LAPTM4B: variants seen among roughly 807,000 people sequenced by gnomAD.
The protein encoded by LAPTM4B is lysosomal protein transmembrane 4 beta.
LAPTM4B carries 26 observed loss-of-function variants against 28.5 expected under a neutral mutation model. The observed-to-expected ratio is 0.91, with a 90% CI of 0.67 to 1.27. LAPTM4B has a LOEUF of 1.27. LAPTM4B is among the 50% of genes most tolerant of loss of function. The pLI is 0.00. For missense variants in LAPTM4B, 288 were observed against 285.8 expected, an observed-to-expected ratio of 1.01 and a Z score of -0.06; for synonymous variants, 109 against 106.4, an observed-to-expected ratio of 1.02 and a Z score of -0.15.
At chr8:97,845,557 T>C (rs1315183816) in intron 6 of LAPTM4B, among the ~76,000 whole-genome samples, 1 of 152,228 alleles carries the variant, frequency 6.6e-6, no homozygotes, top group South Asian at 2.1e-4. Context: ...GATTTCCTTA[T>C]AGCTTTACCT....
Position 97,851,488 on chromosome 8 carries a change from C to T in LAPTM4B, c.*14C>T, listed in dbSNP as rs557757297. The T allele has an allele frequency of 2.6e-5, 42 of 1,604,738 alleles. No individual in the cohort carries two copies. Among genetic ancestry groups the T allele is most frequent in the Non-Finnish European group, 2.7e-5 (32 of 1,171,620 alleles). On this transcript the variant is annotated 3_prime_UTR_variant, in exon 7 of 7. Coordinates refer to ENST00000521545, the MANE Select transcript of LAPTM4B (RefSeq NM_018407.6). ...GTGTCTGCCTAAGCCTTCAAGTGGG[C>T]GGAGCTGAGGGCAGCAGCTTGACTT...
chr8:97,835,890 C>T (rs553626120), intron 6 of LAPTM4B, among the ~76,000 whole-genome samples: 11 of 143,854 alleles, frequency 7.6e-5, no homozygotes, highest in African/African-American at 2.6e-4. Context: ...GCAGCGGGCG[C>T]GGGCAAGCAA....
chr8:97,836,998 T>A (rs1315347443), intron 6 of LAPTM4B, among the ~76,000 whole-genome samples: 4 of 152,010 alleles, frequency 2.6e-5, no homozygotes, highest in South Asian at 2.1e-4. Context: ...AAGGCCAGAT[T>A]ATCTTCTCAG....
At chr8:97,838,409 A>G (rs1257614513) in intron 6 of LAPTM4B, among the ~76,000 whole-genome samples, 3 of 152,234 alleles carry the variant, frequency 2.0e-5, no homozygotes, top group African/African-American at 7.2e-5. Flanking sequence ...CTCCGCAGAC[A>G]TGTGGCAGTT....
In LAPTM4B at chr8:97,843,780, C is replaced by CAAGTAAATAAAT. The variant is rs1387533382; in HGVS notation, c.604-7615_604-7614insGTAAATAAATAA. On this transcript the variant is annotated intron_variant, in intron 6 of 6. Coordinates refer to ENST00000521545, the MANE Select transcript of LAPTM4B (RefSeq NM_018407.6). ...GGGCAACAAGAGCGAAACTCCATCT[C>CAAGTAAATAAAT]AAATAAATAAATAAATAAATAAATA... Among the ~76,000 whole-genome samples, 6 of 149,006 alleles carry CAAGTAAATAAAT rather than the reference C, an allele frequency of 4.0e-5. No homozygotes were observed. The East Asian group carries it at 1.0e-3, about 25-fold the overall frequency.
intron 1 of LAPTM4B, among the ~76,000 whole-genome samples, chr8:97,790,652 G>T (rs1816483376): frequency 6.6e-6 from 1 of 151,898 alleles, no homozygotes; most frequent in Non-Finnish European, 1.5e-5. Context: ...CACCACATTG[G>T]CCAGGGTAGT....
chr8:97,801,077 T>G (rs1398232338), intron 1 of LAPTM4B, among the ~76,000 whole-genome samples: 3 of 152,166 alleles, frequency 2.0e-5, no homozygotes, highest in Non-Finnish European at 4.4e-5. Flanking sequence ...TAAAGCTTTT[T>G]GCCCATGAAT....
intron 2 of LAPTM4B, among the ~76,000 whole-genome samples, chr8:97,807,675 G>A (rs143725355): frequency 3.3e-5 from 5 of 152,236 alleles, no homozygotes; most frequent in African/African-American, 1.2e-4. Context: ...TTTCTGTTAG[G>A]GAAAGAGTAA....
At chr8:97,829,038 T>G (rs1394747142) in intron 6 of LAPTM4B, among the ~76,000 whole-genome samples, 1 of 152,136 alleles carries the variant, frequency 6.6e-6, no homozygotes, top group Non-Finnish European at 1.5e-5. Context: ...AAAAGAGTCC[T>G]TGAGGCAGGC....
intron 1 of LAPTM4B, among the ~76,000 whole-genome samples, chr8:97,784,564 C>T (rs895044052): frequency 6.6e-6 from 1 of 152,094 alleles, no homozygotes; most frequent in Non-Finnish European, 1.5e-5. Flanking sequence ...CTCAGCCTCT[C>T]GAGTAGCTGG....
intron 6 of LAPTM4B, among the ~76,000 whole-genome samples, chr8:97,839,598 G>C (rs1171397543): frequency 6.6e-6 from 1 of 152,190 alleles, no homozygotes; most frequent in Non-Finnish European, 1.5e-5. Flanking sequence ...GACTACACGA[G>C]CACTTGTAAA....
intron 2 of LAPTM4B, among the ~76,000 whole-genome samples, chr8:97,811,534 A>C (rs1816826917): frequency 6.6e-6 from 1 of 152,178 alleles, no homozygotes; most frequent in African/African-American, 2.4e-5. Context: ...AAACTGAGAA[A>C]TAGGAAACAG....
At chr8:97,809,715 G>A (rs971146103) in intron 2 of LAPTM4B, among the ~76,000 whole-genome samples, 6 of 152,140 alleles carry the variant, frequency 3.9e-5, no homozygotes, top group Admixed American at 6.6e-5. Flanking sequence ...AAAAAATTAC[G>A]AAAATTAATA....
chr8:97,815,489 C>G (rs1172845111), intron 3 of LAPTM4B, 88 bp downstream of exon 3: 12 of 905,528 alleles, frequency 1.3e-5, no homozygotes, highest in Non-Finnish European at 2.0e-5. Flanking sequence ...AAGTGACTTT[C>G]CAGTTTTCTG....
intron 1 of LAPTM4B, among the ~76,000 whole-genome samples, chr8:97,777,738 A>G (rs1816249081): frequency 6.6e-6 from 1 of 152,230 alleles, no homozygotes; most frequent in Admixed American, 6.5e-5. Context: ...GTAAATACAG[A>G]TGGAACATCA....
At chr8:97,835,052 C>T (rs181318498) in intron 6 of LAPTM4B, among the ~76,000 whole-genome samples, 8 of 152,238 alleles carry the variant, frequency 5.3e-5, no homozygotes, top group Non-Finnish European at 5.9e-5. Context: ...TGATCTAGAT[C>T]TGTCATTTTC....
chr8:97,846,083 G>A (rs1198323187), intron 6 of LAPTM4B, among the ~76,000 whole-genome samples: 2 of 151,164 alleles, frequency 1.3e-5, no homozygotes, highest in African/African-American at 2.4e-5. Flanking sequence ...TGGAACTCCT[G>A]AGGTCAAGCA....
intron 6 of LAPTM4B, among the ~76,000 whole-genome samples, chr8:97,830,346 A>G (rs769812324): frequency 8.1e-4 from 123 of 152,170 alleles, no homozygotes; most frequent in Non-Finnish European, 1.6e-3. Flanking sequence ...AAGGTCACCT[A>G]TCCACTCTAG....
intron 2 of LAPTM4B, among the ~76,000 whole-genome samples, chr8:97,811,491 A>G (rs1173409085): frequency 1.3e-5 from 2 of 152,204 alleles, no homozygotes; most frequent in South Asian, 2.1e-4. Context: ...ATGCTTATAT[A>G]TGTATGTGCA....
Sources: gnomAD v4.1 joint callset for allele counts (sites outside exome capture counted in the v4.1 genomes callset) on GRCh38, gnomAD v4.1.1 for gene constraint, MANE v1.5 for transcripts, NCBI Gene and HGNC (gene_info 2026-07-23, HGNC 2026-07-21) for gene names.